Variants in SLC1A7 observed in about 807,000 individuals in gnomAD.
SLC1A7 encodes solute carrier family 1 member 7.
A neutral mutation model predicts 47.7 loss-of-function variants in SLC1A7; 40 were observed. That is an observed-to-expected ratio of 0.84 (90% CI 0.65 to 1.09). SLC1A7 has a LOEUF of 1.09. Ranked by LOEUF, SLC1A7 falls within the 50% of genes least tolerant of loss-of-function variation. The pLI, the probability that SLC1A7 is intolerant of heterozygous loss-of-function variation, is 0.00. For missense variants in SLC1A7, 746 were observed against 769.5 expected (o/e 0.97, Z 0.36); for synonymous variants, 323 against 325.6 (o/e 0.99, Z 0.09).
rs60113708 is a variant in SLC1A7, at chr1:53,137,287, C to CAAAAAAAAAAAAAAAAAAAAAAAAAAAAA, written c.136-2859_136-2858insTTTTTTTTTTTTTTTTTTTTTTTTTTTTT. ...GGGCAACAGAGGGAGACGCTATCTC[C>CAAAAAAAAAAAAAAAAAAAAAAAAAAAAA]AAAAAAAAAAAAGTGCTCTACTGAT... On this transcript the variant is annotated intron_variant, in intron 1 of 10. Transcript: ENST00000371494. Among the ~76,000 whole-genome samples the CAAAAAAAAAAAAAAAAAAAAAAAAAAAAA allele has an allele frequency of 2.3e-4, 23 of 100,750 alleles. 1 individual carries two copies. The highest frequency in any genetic ancestry group is 8.9e-4 in the African/African-American group (23 of 25,740). The allele number at this position is 100,750 out of a possible 152,430, so 66.1% of individuals were successfully genotyped here. A position where few individuals can be genotyped will look rare whatever the true frequency, so the allele number is the denominator to read the frequency against.
chr1:53,114,665 C>T (rs1186190524), intron 3 of SLC1A7, 93 bp downstream of exon 3: 2 of 1,058,252 alleles, frequency 1.9e-6, no homozygotes, highest in Non-Finnish European at 2.8e-6. Context: ...CGTGATCACC[C>T]CCATCTCCAC....
chr1:53,132,356 T>G (rs1288358), intron 2 of SLC1A7, among the ~76,000 whole-genome samples: 150,089 of 152,206 alleles, frequency 0.99, 74,029 homozygotes, highest in Middle Eastern at 1. Context: ...CCTGTAGGGT[T>G]GGGAGGAAGC....
chr1:53,101,717 C>T (rs1490352197), intron 5 of SLC1A7, among the ~76,000 whole-genome samples: 1 of 151,360 alleles, frequency 6.6e-6, no homozygotes, highest in Admixed American at 6.6e-5. Flanking sequence ...GCTTGGTACA[C>T]TCACACAGTG....
At chr1:53,090,446 C>T in intron 8 of SLC1A7, 166 bp downstream of exon 8, 8 of 1,141,954 alleles carry the variant, frequency 7.0e-6, no homozygotes, top group Non-Finnish European at 9.6e-6. Context: ...AATGCCCTCC[C>T]TCCCGGGCTG....
At chr1:53,105,664 T>C in intron 4 of SLC1A7, 68 bp downstream of exon 4, 1 of 1,211,592 alleles carries the variant, frequency 8.3e-7, no homozygotes, top group Non-Finnish European at 1.2e-6. Context: ...GCCATGCCAC[T>C]AGCCCTGCTG....
In SLC1A7 at chr1:53,142,603, G is replaced by A; in HGVS notation, c.-154C>T. 1.3e-6 allele frequency: 1 copy of A among 761,656 alleles called. No homozygotes were observed. The highest frequency in any genetic ancestry group is 2.0e-6 in the Non-Finnish European group (1 of 491,788). The allele number at this position is 761,656 out of a possible 1,614,324, so 47.2% of individuals were successfully genotyped here. A position where few individuals can be genotyped will look rare whatever the true frequency, so the allele number is the denominator to read the frequency against. ...TCGCCAGCCCCACGGCCATGCCCGTGTGGCCGCCTTAGAGGGAAGCCACAA... is the reference window on the plus strand; with the variant it reads ...TCGCCAGCCCCACGGCCATGCCCGTATGGCCGCCTTAGAGGGAAGCCACAA... On this transcript the variant is annotated 5_prime_UTR_variant, in exon 1 of 11. Coordinates refer to ENST00000371494, the MANE Select transcript of SLC1A7 (RefSeq NM_006671.6).
intron 5 of SLC1A7, among the ~76,000 whole-genome samples, chr1:53,095,834 GGTACACTCACACACACCACCTCA>G (rs1427055571): frequency 4.9e-5 from 7 of 143,288 alleles, no homozygotes; most frequent in Non-Finnish European, 9.0e-5. Context: ...ACACTGCCTC[GGTACACTCACACACACCACCTCA>G]GTACACTCAC....
rs995034974 is a variant in SLC1A7, at chr1:53,142,579, C to G, written c.-130G>C. On this transcript the variant is annotated 5_prime_UTR_variant, in exon 1 of 11. Transcript: ENST00000371494. ...GTGGTCGGAGTTGCTAAACACCAGTCGCCAGCCCCACGGCCATGCCCGTGT... is the reference window on the plus strand; with the variant it reads ...GTGGTCGGAGTTGCTAAACACCAGTGGCCAGCCCCACGGCCATGCCCGTGT... 28 of 1,044,182 alleles carry G rather than the reference C, an allele frequency of 2.7e-5. No individual in the cohort carries two copies. Among genetic ancestry groups the G allele is most frequent in the Non-Finnish European group, 3.6e-5 (27 of 743,870 alleles). 64.7% of individuals were successfully genotyped at this position (1,044,182 alleles called of 1,614,324 possible).
chr1:53,138,267 T>C (rs921192052), intron 1 of SLC1A7, among the ~76,000 whole-genome samples: 1 of 152,190 alleles, frequency 6.6e-6, no homozygotes, highest in African/African-American at 2.4e-5. Context: ...GGTAATTTCA[T>C]GGTGATGGGC....
At chr1:53,132,443 A>C (rs1644951038) in intron 2 of SLC1A7, among the ~76,000 whole-genome samples, 1 of 152,136 alleles carries the variant, frequency 6.6e-6, no homozygotes, top group South Asian at 2.1e-4. Context: ...GAGGATAGCC[A>C]ATGACAGGCC....
chr1:53,138,754 C>T (rs1371001539), intron 1 of SLC1A7, among the ~76,000 whole-genome samples: 2 of 152,122 alleles, frequency 1.3e-5, no homozygotes, highest in African/African-American at 4.8e-5. Context: ...ATGTTCAAAT[C>T]AGGGTATTCA....
chr1:53,105,166 G>A (rs1644626344), intron 4 of SLC1A7, among the ~76,000 whole-genome samples: 1 of 152,146 alleles, frequency 6.6e-6, no homozygotes, highest in Non-Finnish European at 1.5e-5. Context: ...TGCTACCAGG[G>A]ACTATGTACT....
chr1:53,098,184 C>A (rs1377464633), intron 5 of SLC1A7, among the ~76,000 whole-genome samples: 2 of 150,934 alleles, frequency 1.3e-5, no homozygotes, highest in African/African-American at 2.4e-5. Context: ...CACTCACATG[C>A]ACTGCCTCAA....
intron 10 of SLC1A7, 68 bp downstream of exon 10, chr1:53,088,809 G>T (rs1182420113): frequency 8.0e-6 from 10 of 1,250,130 alleles, no homozygotes; most frequent in African/African-American, 3.0e-5. Flanking sequence ...GTTGGTGGAA[G>T]ATCTGGTGCC....
In SLC1A7 at chr1:53,100,556, C is replaced by T. The variant is rs116296209; in HGVS notation, c.697+2790G>A. On this transcript the variant is annotated intron_variant, in intron 5 of 10. Transcript: ENST00000371494. ...CACCCAACCTTGGTATACTCACACA[C>T]ACTGCCTCAATACACATACACATAC... Among the ~76,000 whole-genome samples the T allele has an allele frequency of 6.3e-3, 960 of 151,738 alleles. 6 individuals carry two copies. The highest frequency in any genetic ancestry group is 0.022 in the African/African-American group (900 of 41,298).
intron 2 of SLC1A7, among the ~76,000 whole-genome samples, chr1:53,128,851 G>C (rs544073237): frequency 1.4e-5 from 2 of 142,382 alleles, no homozygotes; most frequent in African/African-American, 5.2e-5. Flanking sequence ...TGACACATCT[G>C]AGGAGCCTGG....
At chr1:53,112,304 T>C (rs1165452089) in intron 3 of SLC1A7, among the ~76,000 whole-genome samples, 1 of 152,046 alleles carries the variant, frequency 6.6e-6, no homozygotes, top group Non-Finnish European at 1.5e-5. Flanking sequence ...GATCACAGAG[T>C]ATAGCTGAAT....
chr1:53,091,572 G>T (rs574493874), intron 7 of SLC1A7, among the ~76,000 whole-genome samples: 6 of 152,324 alleles, frequency 3.9e-5, no homozygotes, highest in Admixed American at 1.3e-4. Flanking sequence ...CTGCGGGAGG[G>T]TGTTCCTGGC....
chr1:53,120,385 G>A (rs1348055447), intron 2 of SLC1A7, among the ~76,000 whole-genome samples: 2 of 152,168 alleles, frequency 1.3e-5, no homozygotes, highest in African/African-American at 2.4e-5. Context: ...AGCCAAGAGA[G>A]CCTGCAGGCT....
Sources: gnomAD v4.1 joint callset for allele counts (sites outside exome capture counted in the v4.1 genomes callset) on GRCh38, gnomAD v4.1.1 for gene constraint, MANE v1.5 for transcripts, NCBI Gene and HGNC (gene_info 2026-07-23, HGNC 2026-07-21) for gene names.